The following SEMA5A variants were observed in gnomAD, a reference collection of about 807,000 sequenced individuals.
SEMA5A encodes the protein semaphorin-5A.
Under a neutral mutation model 135.5 loss-of-function variants are expected in SEMA5A, and 55 were observed. That is an observed-to-expected ratio of 0.41 (90% CI 0.33 to 0.51). The LOEUF (loss-of-function observed/expected upper bound fraction) is 0.51. SEMA5A is among the 20% of genes least tolerant of loss of function. The pLI, the probability that SEMA5A is intolerant of heterozygous loss-of-function variation, is 0.37. For missense variants in SEMA5A, 1,290 were observed against 1,419.9 expected (o/e 0.91, Z 1.47); for synonymous variants, 580 against 546.5 (o/e 1.06, Z -0.85).
chr5:9,450,326 T>C (rs1042777272), intron 1 of SEMA5A, among the ~76,000 whole-genome samples: 2 of 152,214 alleles, frequency 1.3e-5, no homozygotes, highest in Admixed American at 1.3e-4. Context: ...AATGTCATGC[T>C]TATATGGATA....
intron 16 of SEMA5A, among the ~76,000 whole-genome samples, chr5:9,074,662 G>C (rs1048870365): frequency 6.6e-6 from 1 of 152,108 alleles, no homozygotes; most frequent in Admixed American, 6.5e-5. Flanking sequence ...CTAACTAATA[G>C]AAAAACTGCT....
At chr5:9,304,771 G>A (rs1751780654) in intron 5 of SEMA5A, among the ~76,000 whole-genome samples, 1 of 152,090 alleles carries the variant, frequency 6.6e-6, no homozygotes, top group South Asian at 2.1e-4. Flanking sequence ...TGATTCTGTA[G>A]GAATATGCAG....
At chr5:9,230,182 T>G (rs1579668143) in intron 6 of SEMA5A, among the ~76,000 whole-genome samples, 1 of 135,850 alleles carries the variant, frequency 7.4e-6, no homozygotes, top group East Asian at 2.2e-4. Context: ...TTTTTTTTTG[T>G]AGGGTCAAGG....
intron 11 of SEMA5A, among the ~76,000 whole-genome samples, chr5:9,181,889 C>T (rs756717935): frequency 6.6e-6 from 1 of 152,002 alleles, no homozygotes; most frequent in South Asian, 2.1e-4. Flanking sequence ...CACTCCCAGC[C>T]GCAGAGTCCC....
rs980734062 is a variant in SEMA5A, at chr5:9,036,275, A to G, written c.*6622T>C. On this transcript the variant is annotated 3_prime_UTR_variant, in exon 23 of 23. Transcript: ENST00000382496. ...ACAGTCATGGTAAAAGAGAAAAACA[A>G]TCAACTTCAGCAGAGATAATACTAT... The G allele has an allele frequency of 3.9e-5, 6 of 151,962 alleles. No homozygotes were observed. Among genetic ancestry groups the G allele is most frequent in the Admixed American group, 1.3e-4 (2 of 15,250 alleles). 9.4% of individuals were successfully genotyped at this position (151,962 alleles called of 1,614,324 possible). A position where few individuals can be genotyped will look rare whatever the true frequency, so the allele number is the denominator to read the frequency against.
chr5:9,248,998 C>T (rs1014536355), intron 5 of SEMA5A, among the ~76,000 whole-genome samples: 2 of 152,186 alleles, frequency 1.3e-5, no homozygotes, highest in Non-Finnish European at 2.9e-5. Context: ...ACATGAATTA[C>T]ACACATGAAC....
intron 16 of SEMA5A, among the ~76,000 whole-genome samples, chr5:9,085,781 A>G (rs1738647430): frequency 6.6e-6 from 1 of 152,276 alleles, no homozygotes; most frequent in South Asian, 2.1e-4. Context: ...CTCAGACCCA[A>G]GAATGGTAGA....
At chr5:9,468,053 C>T (rs1013901489) in intron 1 of SEMA5A, among the ~76,000 whole-genome samples, 3 of 152,208 alleles carry the variant, frequency 2.0e-5, no homozygotes, top group East Asian at 1.9e-4. Context: ...GGAAGATCAG[C>T]GTTACTCACA....
chr5:9,491,684 T>A (rs1341802841), intron 1 of SEMA5A, among the ~76,000 whole-genome samples: 1 of 152,088 alleles, frequency 6.6e-6, no homozygotes, highest in Admixed American at 6.6e-5. Context: ...CAAAATAATA[T>A]TAAAGTAAAA....
At chr5:9,252,635 G>C (rs889252585) in intron 5 of SEMA5A, among the ~76,000 whole-genome samples, 1 of 152,158 alleles carries the variant, frequency 6.6e-6, no homozygotes, top group African/African-American at 2.4e-5. Context: ...TAAGCATGGA[G>C]GTCATCAAGC....
intron 5 of SEMA5A, among the ~76,000 whole-genome samples, chr5:9,250,915 C>A (rs190503549): frequency 1.3e-5 from 2 of 152,226 alleles, no homozygotes; most frequent in East Asian, 3.9e-4. Flanking sequence ...ATTAGTATTA[C>A]ATTTTTCTTA....
chr5:9,409,316 GCAA>G (rs1757017630), intron 2 of SEMA5A, among the ~76,000 whole-genome samples: 1 of 152,208 alleles, frequency 6.6e-6, no homozygotes, highest in Non-Finnish European at 1.5e-5. Context: ...ATCGCACAGT[GCAA>G]TTTGGGATTC....
intron 5 of SEMA5A, among the ~76,000 whole-genome samples, chr5:9,277,361 T>C (rs983328106): frequency 6.6e-6 from 1 of 152,170 alleles, no homozygotes; most frequent in African/African-American, 2.4e-5. Context: ...TTTTACACTG[T>C]TGGTGAGAGT....
chr5:9,148,307 AC>A (rs1742450308), intron 12 of SEMA5A, among the ~76,000 whole-genome samples: 1 of 152,292 alleles, frequency 6.6e-6, no homozygotes, highest in East Asian at 1.9e-4. Flanking sequence ...GGGTCAGCAA[AC>A]CACACAGCCT....
At chr5:9,278,018 T>A (rs1176356387) in intron 5 of SEMA5A, among the ~76,000 whole-genome samples, 2 of 151,238 alleles carry the variant, frequency 1.3e-5, no homozygotes, top group South Asian at 2.1e-4. Flanking sequence ...CCAGAAAAAA[T>A]GTTTAAATTA....
intron 4 of SEMA5A, among the ~76,000 whole-genome samples, chr5:9,332,718 C>A (rs745930452): frequency 6.6e-6 from 1 of 151,916 alleles, no homozygotes; most frequent in Non-Finnish European, 1.5e-5. Flanking sequence ...TCACATTGGG[C>A]CAGGTGTGCA....
chr5:9,190,250 G>A lies in SEMA5A; in HGVS notation c.1273+17C>T. 1.9e-6 allele frequency: 3 copies of A among 1,611,480 alleles called. No homozygotes were observed. The highest frequency in any genetic ancestry group is 2.5e-6 in the Non-Finnish European group (3 of 1,177,964). On this transcript the variant is annotated intron_variant, in intron 11 of 22. Coordinates refer to ENST00000382496, the MANE Select transcript of SEMA5A (RefSeq NM_003966.3). ...GAAGATGGTAGAAAACCCCTCAGAGGGGGCCAGAGCTCCTACCTGTGGCCA... is the reference window on the plus strand; with the variant it reads ...GAAGATGGTAGAAAACCCCTCAGAGAGGGCCAGAGCTCCTACCTGTGGCCA...
chr5:9,428,158 AT>A (rs1561245224), intron 2 of SEMA5A, among the ~76,000 whole-genome samples: 2 of 132,044 alleles, frequency 1.5e-5, no homozygotes, highest in Admixed American at 7.3e-5. Flanking sequence ...CTATCTATCT[AT>A]CTATCTATCC....
chr5:9,245,074 G>T (rs188099047), intron 5 of SEMA5A, among the ~76,000 whole-genome samples: 2 of 152,026 alleles, frequency 1.3e-5, no homozygotes, highest in Non-Finnish European at 2.9e-5. Flanking sequence ...TCTTGATACC[G>T]CAGTCAACTG....
Sources: gnomAD v4.1 joint callset for allele counts (sites outside exome capture counted in the v4.1 genomes callset) on GRCh38, gnomAD v4.1.1 for gene constraint, MANE v1.5 for transcripts, NCBI Gene and HGNC (gene_info 2026-07-23, HGNC 2026-07-21) for gene names.